DNAH10: variants seen among roughly 807,000 people sequenced by gnomAD.
DNAH10 encodes the protein dynein axonemal heavy chain 10, also known as axonemal beta dynein heavy chain 10.
A neutral mutation model predicts 506.6 loss-of-function variants in DNAH10; 348 were observed. That is an observed-to-expected ratio of 0.69 (90% CI 0.63 to 0.75). DNAH10 has a LOEUF of 0.75. Ranked by LOEUF, DNAH10 falls within the 30% of genes least tolerant of loss-of-function variation. DNAH10 has a pLI of 0.00. For missense variants in DNAH10, 5,179 were observed against 5,787.1 expected, an observed-to-expected ratio of 0.89 and a Z score of 3.41; for synonymous variants, 2,059 against 2,198.6, an observed-to-expected ratio of 0.94 and a Z score of 1.78.
At chr12:123,845,187 T>G (rs1241272016) in intron 30 of DNAH10, among the ~76,000 whole-genome samples, 1 of 150,554 alleles carries the variant, frequency 6.6e-6, no homozygotes, top group African/African-American at 2.4e-5. Context: ...TTTGTAGAGA[T>G]AGGGTTTTGC....
In DNAH10 at chr12:123,850,517, C is replaced by T. The variant is rs565860769; in HGVS notation, c.6103-371C>T. Among the ~76,000 whole-genome samples the T allele has an allele frequency of 8.5e-5, 13 of 152,282 alleles. No individual in the cohort carries two copies. The East Asian group carries it at 2.3e-3, about 27-fold the overall frequency. ...TCCTTTCATCGCCACAGCCGTGCCA[C>T]GAGGTGGGTTGCATTTCTGTTGTGC... On this transcript the variant is annotated intron_variant, in intron 34 of 78. Coordinates refer to ENST00000673944, the MANE Select transcript of DNAH10 (RefSeq NM_001372106.1). The surrounding 1 kb of genome is among the most constrained non-coding windows in gnomAD (Gnocchi z 5.5).
In DNAH10 at chr12:123,909,486, C is replaced by T. The variant is rs1953968751; in HGVS notation, c.9997+44C>T. On this transcript the variant is annotated intron_variant, in intron 58 of 78. Transcript: ENST00000673944. This position sits in a 1 kb window ranked among gnomAD's most constrained non-coding sequence, Gnocchi z 5.4. ...GGGAATCGCCAGGGTGGATCTCGGT[C>T]TGGCATCTCAGGCTCTGGGACAGGG... The T allele has an allele frequency of 2.7e-6, 4 of 1,493,354 alleles. No homozygotes were observed. The highest frequency in any genetic ancestry group is 2.1e-5 in the Admixed American group (1 of 46,546). 92.5% of individuals were successfully genotyped at this position (1,493,354 alleles called of 1,614,324 possible).
At position 123,848,106 on chromosome 12, in the gene DNAH10, G is replaced by A. The variant is rs2136686811; in HGVS notation, c.5949+11G>A. The A allele has an allele frequency of 1.2e-6, 2 of 1,610,604 alleles. No homozygotes were observed. The highest frequency in any genetic ancestry group is 1.7e-4 in the Middle Eastern group (1 of 5,992). On this transcript the variant is annotated intron_variant, in intron 33 of 78. Coordinates refer to ENST00000673944, the MANE Select transcript of DNAH10 (RefSeq NM_001372106.1). ...GGCATGGATTACAGGGTAAGGCCTG[G>A]CTGTCACCTTTGGTACTGGCTCATT...
intron 51 of DNAH10, among the ~76,000 whole-genome samples, chr12:123,884,739 C>T (rs141424148): frequency 0.016 from 2,422 of 152,062 alleles, 32 homozygotes; most frequent in Middle Eastern, 0.027. Context: ...GTCTATTGCA[C>T]GGAGTAAGAA....
intron 26 of DNAH10, among the ~76,000 whole-genome samples, chr12:123,831,150 G>T (rs1485112114): frequency 6.6e-6 from 1 of 150,724 alleles, no homozygotes; most frequent in Non-Finnish European, 1.5e-5. Flanking sequence ...TTAAATAGAT[G>T]TAATGGATGT....
chr12:123,872,144 A>G (rs1379266733), intron 45 of DNAH10, among the ~76,000 whole-genome samples: 1 of 151,798 alleles, frequency 6.6e-6, no homozygotes, highest in Non-Finnish European at 1.5e-5. Flanking sequence ...ATTCACCATC[A>G]TTTTTGGGTT....
intron 7 of DNAH10, 104 bp from the exon 8 acceptor site, chr12:123,783,843 G>T: frequency 9.5e-7 from 1 of 1,057,608 alleles, no homozygotes. Context: ...GACCCTGAAG[G>T]ATTGGAGCAG....
rs1378611566 is a variant in DNAH10, at chr12:123,909,712, A to G, written c.9997+270A>G. 6.6e-6 allele frequency among the ~76,000 whole-genome samples: 1 copy of G among 152,230 alleles called. No homozygotes were observed. The highest frequency in any genetic ancestry group is 1.5e-5 in the Non-Finnish European group (1 of 68,044). On this transcript the variant is annotated intron_variant, in intron 58 of 78. Transcript: ENST00000673944. This position sits in a 1 kb window ranked among gnomAD's most constrained non-coding sequence, Gnocchi z 5.4. ...TAGTCCTAGCTCTCCGTGTCAGGAAACAGGATCTTCTCATTGGAACCTAGC... is the reference window on the plus strand; with the variant it reads ...TAGTCCTAGCTCTCCGTGTCAGGAAGCAGGATCTTCTCATTGGAACCTAGC...
In DNAH10 at chr12:123,910,555, T is replaced by C. The variant is rs2137393484; in HGVS notation, c.10017T>C (p.Asn3339=). 1 of 1,613,712 alleles carries C rather than the reference T, an allele frequency of 6.2e-7. No homozygotes were observed. ...CGTTAGGCCTCTTGAAGACTCTTAA[T>C]ACCACAACTGAAGAAATGGAAGCTG... The part of the protein sequence containing the change: ...KNIKGLLKTL[N]TTTEEMEAVS... Residue 3339 remains asparagine (N), a synonymous_variant, in exon 59 of 79, where the codon AAT becomes AAC. Coordinates refer to ENST00000673944, the MANE Select transcript of DNAH10 (RefSeq NM_001372106.1).
At chr12:123,874,606 CCCATCCATCCAT>C (rs111763952) in intron 46 of DNAH10, among the ~76,000 whole-genome samples, 8 of 148,064 alleles carry the variant, frequency 5.4e-5, no homozygotes, top group East Asian at 2.1e-4. Context: ...CATCCATCTA[CCCATCCATCCAT>C]CCATCCATCC....
At chr12:123,900,087 A>G (rs983007595) in intron 56 of DNAH10, among the ~76,000 whole-genome samples, 2 of 152,114 alleles carry the variant, frequency 1.3e-5, no homozygotes, top group Non-Finnish European at 2.9e-5. Flanking sequence ...TCCTGCAGTA[A>G]CTTGCTCTTT....
At chr12:123,874,243 T>C (rs1303717463) in intron 46 of DNAH10, among the ~76,000 whole-genome samples, 1 of 151,512 alleles carries the variant, frequency 6.6e-6, no homozygotes, top group Non-Finnish European at 1.5e-5. Context: ...AGAAGGACTG[T>C]ATGCAAAGCC....
At position 123,877,749 on chromosome 12, in the gene DNAH10, G is replaced by A. The variant is rs759916779; in HGVS notation, c.8213G>A (p.Ser2738Asn). 9.9e-6 allele frequency: 16 copies of A among 1,613,152 alleles called. No individual in the cohort carries two copies. Among genetic ancestry groups the A allele is most frequent in the Non-Finnish European group, 1.3e-5 (15 of 1,179,620 alleles). Residue 2738 changes from serine to asparagine, a missense_variant, in exon 48 of 79, where the codon AGC becomes AAC. Physicochemically the swap from Ser to Asn is conservative, Grantham distance 46 (BLOSUM62 1). Coordinates refer to ENST00000673944, the MANE Select transcript of DNAH10 (RefSeq NM_001372106.1). Reference sequence around the variant, plus strand: ...TGCATTTTTCAGACGTTTCATGAGAGCATTGTGGCTGTGAGTGGCAAGCTG... The same window carrying A: ...TGCATTTTTCAGACGTTTCATGAGAACATTGTGGCTGTGAGTGGCAAGCTG... Reference protein sequence around the residue: ...LKGHTSTFHESIVAVSGKLTF... With the variant: ...LKGHTSTFHENIVAVSGKLTF...
intron 8 of DNAH10, among the ~76,000 whole-genome samples, chr12:123,784,633 G>A (rs1957783245): frequency 6.6e-6 from 1 of 152,192 alleles, no homozygotes; most frequent in Non-Finnish European, 1.5e-5. Context: ...ATACAGTTCA[G>A]TGGCACTAAA....
chr12:123,877,745 G>A lies in DNAH10; in HGVS notation c.8209G>A (p.Glu2737Lys), dbSNP rs777051172. The A allele has an allele frequency of 6.2e-7, 1 of 1,612,790 alleles. No individual in the cohort carries two copies. Among genetic ancestry groups the A allele is most frequent in the Non-Finnish European group, 8.5e-7 (1 of 1,179,444 alleles). ...TCTTTGCATTTTTCAGACGTTTCAT[G>A]AGAGCATTGTGGCTGTGAGTGGCAA... Reference protein sequence around the residue: ...ILKGHTSTFHESIVAVSGKLT... With the variant: ...ILKGHTSTFHKSIVAVSGKLT... The change falls in exon 48 of 79, where the codon GAG (glutamate) becomes AAG (lysine). Residue 2737 changes from glutamate to lysine, a missense_variant. By Grantham distance (56) the Glu-to-Lys change is moderately conservative (BLOSUM62 1). Transcript: ENST00000673944.
In DNAH10 at chr12:123,790,088, A is replaced by G. The variant is rs144137434; in HGVS notation, c.1782A>G (p.Lys594=). The G allele has an allele frequency of 2.8e-5, 46 of 1,614,164 alleles. No individual in the cohort carries two copies. The African/African-American group carries it at 3.6e-4, about 13-fold the overall frequency. The change falls in exon 11 of 79, where the codon AAA becomes AAG. Residue 594 remains lysine, a synonymous_variant. Coordinates refer to ENST00000673944, the MANE Select transcript of DNAH10 (RefSeq NM_001372106.1). ...PFSIKSSQFW[K]YVMDEFKIEV... is the part of the protein sequence containing the mutation. The stretch of plus-strand genomic sequence containing the variant: ...GCATCAAGTCCTCCCAGTTCTGGAA[A>G]TATGTGATGGATGAATTCAAGATTG...
chr12:123,917,699 G>C lies in DNAH10; in HGVS notation c.11118G>C (p.Leu3706=), dbSNP rs1954546236. Residue 3706 remains leucine, a synonymous_variant, in exon 64 of 79, where the codon CTG becomes CTC. Coordinates refer to ENST00000673944, the MANE Select transcript of DNAH10 (RefSeq NM_001372106.1). This position sits in a 1 kb window ranked among gnomAD's most constrained non-coding sequence, Gnocchi z 5.6. ...AGGAGACCAGCGAGAACAAGAACCT[G>C]CTCAAGGACCTGGAAGATTCCCTCC... ...LIQETSENKN[L]LKDLEDSLLR... The C allele has an allele frequency of 6.4e-7, 1 of 1,557,788 alleles. No individual in the cohort carries two copies. Among genetic ancestry groups the C allele is most frequent in the African/African-American group, 1.4e-5 (1 of 73,274 alleles).
At chr12:123,895,665 G>A (rs1953186743) in intron 54 of DNAH10, among the ~76,000 whole-genome samples, 2 of 152,204 alleles carry the variant, frequency 1.3e-5, no homozygotes, top group African/African-American at 2.4e-5. Flanking sequence ...TTGGCCCGTA[G>A]TTGGCCAGCC....
rs11338827 is a variant in DNAH10, at chr12:123,928,856, GCC to G, written c.12306+279_12306+280del. ...TACGCTACTTTTCATAAACTTCACG[GCC>G]CCCCCCCCCACACACAGCCTGCAGT... On this transcript the variant is annotated intron_variant, in intron 70 of 78. Transcript: ENST00000673944. The surrounding 1 kb of genome is among the most constrained non-coding windows in gnomAD (Gnocchi z 4.9). The G allele has an allele frequency of 3.4e-3, 1,406 of 417,324 alleles. 2 individuals carry two copies. The highest frequency in any genetic ancestry group is 6.3e-3 in the Middle Eastern group (10 of 1,588). The allele number at this position is 417,324 out of a possible 1,614,324, so 25.9% of individuals were successfully genotyped here.
Sources: gnomAD v4.1 joint callset for allele counts (sites outside exome capture counted in the v4.1 genomes callset) on GRCh38, gnomAD v4.1.1 for gene constraint, Gnocchi (gnomAD v3.1) non-coding constraint, MANE v1.5 for transcripts, NCBI Gene and HGNC (gene_info 2026-07-23, HGNC 2026-07-21) for gene names.